The following SEMA5A variants were observed in gnomAD, a reference collection of about 807,000 sequenced individuals.
The protein encoded by SEMA5A is semaphorin-5A.
Under a neutral mutation model 135.5 loss-of-function variants are expected in SEMA5A, and 55 were observed. The observed-to-expected ratio is 0.41, with a 90% CI of 0.33 to 0.51. SEMA5A has a LOEUF of 0.51. SEMA5A is among the 20% of genes least tolerant of loss of function. The pLI is 0.37. For missense variants in SEMA5A, 1,290 were observed against 1,419.9 expected (o/e 0.91, Z 1.47); for synonymous variants, 580 against 546.5 (o/e 1.06, Z -0.85).
chr5:9,314,721 A>G (rs191504065), intron 5 of SEMA5A, among the ~76,000 whole-genome samples: 33 of 152,222 alleles, frequency 2.2e-4, no homozygotes, highest in Non-Finnish European at 4.3e-4. Flanking sequence ...TGTGTCATGA[A>G]TTGCCAGCCT....
chr5:9,271,105 C>T (rs1464922033), intron 5 of SEMA5A, among the ~76,000 whole-genome samples: 1 of 152,052 alleles, frequency 6.6e-6, no homozygotes, highest in African/African-American at 2.4e-5. Context: ...GACAGATTTC[C>T]CCCATGCTGT....
intron 5 of SEMA5A, among the ~76,000 whole-genome samples, chr5:9,247,532 G>A (rs1214283709): frequency 6.6e-6 from 1 of 152,132 alleles, no homozygotes; most frequent in East Asian, 1.9e-4. Context: ...ACAAAACCCA[G>A]ATTATGAATG....
chr5:9,496,500 C>T (rs532813248), intron 1 of SEMA5A, among the ~76,000 whole-genome samples: 1 of 152,188 alleles, frequency 6.6e-6, no homozygotes, highest in African/African-American at 2.4e-5. Flanking sequence ...CCTAGACAGT[C>T]CACAGAGGCC....
At chr5:9,166,079 G>A (rs1307861266) in intron 11 of SEMA5A, among the ~76,000 whole-genome samples, 3 of 151,978 alleles carry the variant, frequency 2.0e-5, no homozygotes, top group Non-Finnish European at 1.5e-5. Flanking sequence ...ATAGTCAGTC[G>A]GTTTAAACTT....
chr5:9,307,992 G>A (rs915588432), intron 5 of SEMA5A, among the ~76,000 whole-genome samples: 2 of 152,160 alleles, frequency 1.3e-5, no homozygotes, highest in African/African-American at 2.4e-5. Context: ...TAGAAATTAA[G>A]ATATGCACAA....
At chr5:9,535,191 A>G (rs1426749323) in intron 1 of SEMA5A, among the ~76,000 whole-genome samples, 1 of 140,674 alleles carries the variant, frequency 7.1e-6, no homozygotes, top group Non-Finnish European at 1.6e-5. Flanking sequence ...GCCTGGAAAA[A>G]CTGTTCAAAG....
chr5:9,095,694 C>T (rs1031109734), intron 16 of SEMA5A, among the ~76,000 whole-genome samples: 4 of 152,108 alleles, frequency 2.6e-5, no homozygotes, highest in South Asian at 4.1e-4. Flanking sequence ...GGAGGCACTC[C>T]GATGAAATAA....
intron 13 of SEMA5A, among the ~76,000 whole-genome samples, chr5:9,132,628 G>T (rs1741494597): frequency 6.6e-6 from 1 of 152,196 alleles, no homozygotes; most frequent in African/African-American, 2.4e-5. Flanking sequence ...ACAGCCATAA[G>T]TCACAGCCAC....
At chr5:9,350,434 C>T (rs78448616) in intron 3 of SEMA5A, among the ~76,000 whole-genome samples, 1 of 152,138 alleles carries the variant, frequency 6.6e-6, no homozygotes, top group African/African-American at 2.4e-5. Context: ...AATATCTAAG[C>T]CCTTACAATA....
rs558843792 is a variant in SEMA5A, at chr5:9,136,167, C to G, written c.1599+337G>C. ...GAAATTTGTGGGTGTGGAAGTTTCT[C>G]TTTTATTAGCGCTGTAAGGGGCAAA... On this transcript the variant is annotated intron_variant, in intron 13 of 22. Coordinates refer to ENST00000382496, the MANE Select transcript of SEMA5A (RefSeq NM_003966.3). Among the ~76,000 whole-genome samples, 8 of 152,174 alleles carry G rather than the reference C, an allele frequency of 5.3e-5. No individual in the cohort carries two copies. The South Asian group carries it at 1.5e-3, about 28-fold the overall frequency.
intron 11 of SEMA5A, among the ~76,000 whole-genome samples, chr5:9,164,740 T>A (rs1206282814): frequency 6.6e-6 from 1 of 152,200 alleles, no homozygotes; most frequent in African/African-American, 2.4e-5. Context: ...GAGAACTAAA[T>A]GAGCACTTAA....
chr5:9,155,666 A>T (rs749479352), intron 11 of SEMA5A, among the ~76,000 whole-genome samples: 2 of 152,224 alleles, frequency 1.3e-5, no homozygotes, highest in Non-Finnish European at 2.9e-5. Flanking sequence ...TTGCAAACAC[A>T]GAAAATGAGT....
At chr5:9,114,426 C>T (rs1740402139) in intron 15 of SEMA5A, among the ~76,000 whole-genome samples, 1 of 152,140 alleles carries the variant, frequency 6.6e-6, no homozygotes, top group Admixed American at 6.5e-5. Flanking sequence ...CACTGAATTA[C>T]ACACTTATAA....
chr5:9,279,621 G>C (rs1298189481), intron 5 of SEMA5A, among the ~76,000 whole-genome samples: 1 of 152,094 alleles, frequency 6.6e-6, no homozygotes. Flanking sequence ...GTCAGTGGAG[G>C]GGCCTAGTGG....
chr5:9,398,560 C>T (rs943410504), intron 2 of SEMA5A, among the ~76,000 whole-genome samples: 1 of 152,206 alleles, frequency 6.6e-6, no homozygotes, highest in Non-Finnish European at 1.5e-5. Context: ...CAGACAAGAG[C>T]CTCAGTAGAG....
intron 2 of SEMA5A, among the ~76,000 whole-genome samples, chr5:9,384,713 T>TAGACAGACAGAC (rs72287146): frequency 4.0e-5 from 4 of 100,820 alleles, no homozygotes; most frequent in African/African-American, 8.6e-5. Context: ...GATAGATAGA[T>TAGACAGACAGAC]AGACAGACAG....
At chr5:9,063,502 AC>A (rs1732007246) in intron 17 of SEMA5A, among the ~76,000 whole-genome samples, 1 of 152,146 alleles carries the variant, frequency 6.6e-6, no homozygotes, top group South Asian at 2.1e-4. Context: ...GCCCTCAAGG[AC>A]CTCCATCTGG....
chr5:9,319,581 A>G (rs574109318), intron 4 of SEMA5A, among the ~76,000 whole-genome samples: 67 of 152,178 alleles, frequency 4.4e-4, no homozygotes, highest in African/African-American at 1.6e-3. Context: ...GTAAATGGGA[A>G]GATGGGGCGG....
At chr5:9,457,582 A>G (rs937623917) in intron 1 of SEMA5A, among the ~76,000 whole-genome samples, 2 of 152,172 alleles carry the variant, frequency 1.3e-5, no homozygotes, top group African/African-American at 4.8e-5. Context: ...TGCATCCATG[A>G]CTTTACCCAT....
Sources: gnomAD v4.1 joint callset for allele counts (sites outside exome capture counted in the v4.1 genomes callset) on GRCh38, gnomAD v4.1.1 for gene constraint, MANE v1.5 for transcripts, NCBI Gene and HGNC (gene_info 2026-07-23, HGNC 2026-07-21) for gene names.